The following CLASP1 variants were observed in gnomAD, a reference collection of about 807,000 sequenced individuals.
CLASP1 encodes the protein cytoplasmic linker associated protein 1.
Under a neutral mutation model 192.3 loss-of-function variants are expected in CLASP1, and 38 were observed. The observed-to-expected ratio is 0.20, with a 90% CI of 0.15 to 0.26. The LOEUF (loss-of-function observed/expected upper bound fraction) is 0.26, where lower values mean the gene tolerates loss of function less well. Ranked by LOEUF, CLASP1 falls within the 10% of genes least tolerant of loss-of-function variation. The pLI is 1.00. For synonymous variants in CLASP1, 691 were observed against 712.8 expected (o/e 0.97, Z 0.49); for missense variants, 1,433 against 1,932.5 (o/e 0.74, Z 4.85).
intron 30 of CLASP1, among the ~76,000 whole-genome samples, chr2:121,390,386 C>CA (rs2074133494): frequency 6.6e-6 from 1 of 152,338 alleles, no homozygotes; most frequent in Non-Finnish European, 1.5e-5. Context: ...ATGAAAAACT[C>CA]AGAGTACTGC....
intron 7 of CLASP1, among the ~76,000 whole-genome samples, chr2:121,515,023 C>A (rs904695328): frequency 6.6e-6 from 1 of 152,092 alleles, no homozygotes; most frequent in Non-Finnish European, 1.5e-5. Flanking sequence ...AAGGAATGAC[C>A]CAGGGTAAAA....
At chr2:121,407,156 C>T (rs2077040844) in intron 25 of CLASP1, among the ~76,000 whole-genome samples, 1 of 150,018 alleles carries the variant, frequency 6.7e-6, no homozygotes, top group African/African-American at 2.5e-5. Context: ...GTGGAGGCTG[C>T]AGTGAGCCAA....
intron 23 of CLASP1, among the ~76,000 whole-genome samples, chr2:121,415,166 A>G (rs1380976665): frequency 6.6e-6 from 1 of 152,210 alleles, no homozygotes; most frequent in African/African-American, 2.4e-5. Flanking sequence ...GTTACAGTAC[A>G]CTGGTTATGA....
rs542960972 is a variant in CLASP1, at chr2:121,498,753, G to T, written c.712+4414C>A. ...TAACTCCTTTAGAAAATGGGCAAAA[G>T]ATTTATTTGAATAGACATTTCTCCA... On this transcript the variant is annotated intron_variant, in intron 8 of 39. Transcript: ENST00000263710. 3.9e-5 allele frequency among the ~76,000 whole-genome samples: 6 copies of T among 152,224 alleles called. No individual in the cohort carries two copies. In the South Asian group the frequency reaches 1.2e-3, roughly 32 times the overall value.
At chr2:121,423,486 A>C (rs1419400208) in intron 22 of CLASP1, among the ~76,000 whole-genome samples, 1 of 152,222 alleles carries the variant, frequency 6.6e-6, no homozygotes, top group African/African-American at 2.4e-5. Flanking sequence ...ATCTTTAATA[A>C]TATAAAAGGA....
intron 2 of CLASP1, among the ~76,000 whole-genome samples, chr2:121,591,987 TC>T (rs1274413873): frequency 6.6e-6 from 1 of 152,214 alleles, no homozygotes; most frequent in African/African-American, 2.4e-5. Context: ...TCTCTGGATT[TC>T]TTACCATGGT....
chr2:121,618,763 T>C (rs1292228150), intron 1 of CLASP1, among the ~76,000 whole-genome samples: 1 of 151,962 alleles, frequency 6.6e-6, no homozygotes, highest in Non-Finnish European at 1.5e-5. Flanking sequence ...TAGAGTTCTC[T>C]AGCTCTGTAA....
intron 7 of CLASP1, 37 bp downstream of exon 7, chr2:121,515,628 T>C: frequency 7.4e-7 from 1 of 1,343,586 alleles, no homozygotes; most frequent in Non-Finnish European, 1.0e-6. Context: ...GGCGGGGGGT[T>C]GGGTAGAGCA....
intron 39 of CLASP1, 47 bp from the exon 41 acceptor site, chr2:121,340,994 G>GA: frequency 7.6e-7 from 1 of 1,322,828 alleles, no homozygotes; most frequent in Non-Finnish European, 1.1e-6. Flanking sequence ...AAAGCAATCA[G>GA]AAAGTAGAAA....
chr2:121,340,014 C>T (rs570624520), exon 40 of CLASP1: 1 of 152,300 alleles, frequency 6.6e-6, no homozygotes, highest in South Asian at 2.1e-4. Flanking sequence ...CAACAGTGTT[C>T]CCAAGGATCT....
intron 8 of CLASP1, among the ~76,000 whole-genome samples, chr2:121,478,885 CACCA>C (rs1559368910): frequency 4.1e-4 from 8 of 19,370 alleles, no homozygotes; most frequent in Non-Finnish European, 6.9e-4. Flanking sequence ...ACCACACACA[CACCA>C]CACACACACA....
intron 1 of CLASP1, among the ~76,000 whole-genome samples, chr2:121,636,278 G>C (rs2070840322): frequency 6.6e-6 from 1 of 151,412 alleles, no homozygotes. Flanking sequence ...GGAGATTACA[G>C]TGGGCTGAGA....
chr2:121,601,435 C>T (rs1350128597), intron 2 of CLASP1, among the ~76,000 whole-genome samples: 1 of 152,066 alleles, frequency 6.6e-6, no homozygotes, highest in Non-Finnish European at 1.5e-5. Context: ...CCATGCCCAG[C>T]TAATTTTTGT....
Position 121,617,276 on chromosome 2 carries a change from G to T in CLASP1, c.-285-11096C>A, listed in dbSNP as rs560593172. On this transcript the variant is annotated intron_variant, in intron 1 of 39. Transcript: ENST00000263710. Reference sequence around the variant, plus strand: ...ACAACTCCTCCTTTCTGCCTCCTCAGACCTATAACCTTCCAGTTGTCTGCT... The same window carrying T: ...ACAACTCCTCCTTTCTGCCTCCTCATACCTATAACCTTCCAGTTGTCTGCT... 3.3e-4 allele frequency among the ~76,000 whole-genome samples: 50 copies of T among 152,206 alleles called. No individual in the cohort carries two copies. In the South Asian group the frequency reaches 0.01, roughly 32 times the overall value.
exon 29 of CLASP1, chr2:121,398,379 T>A: frequency 1.3e-6 from 2 of 1,594,318 alleles, no homozygotes; most frequent in Non-Finnish European, 1.7e-6. Context: ...TGTTAAATTG[T>A]TGATCAAATG....
intron 1 of CLASP1, among the ~76,000 whole-genome samples, chr2:121,629,943 TG>T: frequency 6.6e-6 from 1 of 152,222 alleles, no homozygotes; most frequent in East Asian, 1.9e-4. Context: ...TTTATTGAGA[TG>T]GAGTCTTGCT....
At chr2:121,542,373 C>A (rs565225353) in intron 2 of CLASP1, among the ~76,000 whole-genome samples, 32 of 152,294 alleles carry the variant, frequency 2.1e-4, no homozygotes, top group East Asian at 1.5e-3. Context: ...CTGTGCCCTG[C>A]TGATTTCTAC....
intron 25 of CLASP1, among the ~76,000 whole-genome samples, chr2:121,406,067 C>T (rs1463275302): frequency 6.6e-6 from 1 of 152,208 alleles, no homozygotes; most frequent in East Asian, 1.9e-4. Flanking sequence ...TTCCCATTCA[C>T]GTCTCCTTTC....
intron 33 of CLASP1, among the ~76,000 whole-genome samples, chr2:121,378,464 CT>C (rs2070805018): frequency 6.6e-6 from 1 of 152,110 alleles, no homozygotes; most frequent in South Asian, 2.1e-4. Context: ...CCAAACAATC[CT>C]TTTTGGTGCA....
Sources: gnomAD v4.1 joint callset for allele counts (sites outside exome capture counted in the v4.1 genomes callset) on GRCh38, gnomAD v4.1.1 for gene constraint, MANE v1.5 for transcripts, NCBI Gene and HGNC (gene_info 2026-07-23, HGNC 2026-07-21) for gene names.